Variants in CHIC1 observed in about 807,000 individuals in gnomAD.
The protein encoded by CHIC1 is cysteine rich hydrophobic domain 1, also known as cysteine-rich hydrophobic domain-containing protein 1.
In CHIC1, 7 loss-of-function variants were observed where a neutral mutation model predicts 18.5. The observed-to-expected ratio is 0.38, with a 90% CI of 0.22 to 0.71. CHIC1 has a LOEUF of 0.71. Ranked by LOEUF, CHIC1 falls within the 30% of genes least tolerant of loss-of-function variation. The probability of loss-of-function intolerance (pLI) is 0.49; values close to 1 mark genes in which losing one functional copy is unlikely to be tolerated. For synonymous variants in CHIC1, 77 were observed against 73.5 expected (o/e 1.05, Z -0.25); for missense variants, 159 against 176.9 (o/e 0.90, Z 0.57).
chrX:73,577,354 G>A (rs1235903169), intron 1 of CHIC1, 53 bp from the exon 2 acceptor site: 11 of 932,191 alleles, frequency 1.2e-5, no homozygotes, highest in Non-Finnish European at 1.5e-5. Context: ...AAAAAAAAGG[G>A]AAGATTTAAG....
intron 3 of CHIC1, among the ~76,000 whole-genome samples, chrX:73,640,361 T>C (rs1262991489): frequency 8.9e-6 from 1 of 112,149 alleles, no homozygotes; most frequent in Non-Finnish European, 1.9e-5. Context: ...GAACCAAGCT[T>C]GCATCCCAGG....
Position 73,685,924 on chromosome X carries a change from C to T in CHIC1, c.*4919C>T, listed in dbSNP as rs1406219976. Reference sequence around the variant, plus strand: ...GTGGATGTAAATCAGTGATTCCCAACTTCAGCAGATGATAGCAGTGGAGGG... The same window carrying T: ...GTGGATGTAAATCAGTGATTCCCAATTTCAGCAGATGATAGCAGTGGAGGG... On this transcript the variant is annotated 3_prime_UTR_variant, in exon 6 of 6. Coordinates refer to ENST00000373502, the MANE Select transcript of CHIC1 (RefSeq NM_001039840.4). The T allele has an allele frequency of 8.1e-5, 9 of 111,125 alleles. No individual in the cohort carries two copies. The highest frequency in any genetic ancestry group is 1.7e-4 in the Non-Finnish European group (9 of 52,852). 9.2% of individuals were successfully genotyped at this position (111,125 alleles called of 1,213,427 possible).
chrX:73,642,250 T>G (rs1461198131), intron 3 of CHIC1, among the ~76,000 whole-genome samples: 1 of 111,421 alleles, frequency 9.0e-6, no homozygotes, highest in Non-Finnish European at 1.9e-5. Flanking sequence ...GGTTTTGATT[T>G]GCATTTCTCT....
intron 3 of CHIC1, among the ~76,000 whole-genome samples, chrX:73,637,428 G>A (rs2057836498): frequency 9.1e-6 from 1 of 110,072 alleles, no homozygotes; most frequent in Non-Finnish European, 1.9e-5. Flanking sequence ...ATTTGGGAAG[G>A]TTTTAGCCAT....
rs113925521 is a variant in CHIC1, at chrX:73,681,104, A to G, written c.*99A>G. ...TGGTCTCCTTTGCTGTGTTCAACTT[A>G]TTCTTTATAATGGTAGAATATTCTT... On this transcript the variant is annotated 3_prime_UTR_variant, in exon 6 of 6. Transcript: ENST00000373502. 6 of 492,109 alleles carry G rather than the reference A, an allele frequency of 1.2e-5. No individual in the cohort carries two copies. The highest frequency in any genetic ancestry group is 5.0e-5 in the African/African-American group (2 of 39,847). The allele number at this position is 492,109 out of a possible 1,213,427, so 40.6% of individuals were successfully genotyped here. A position where few individuals can be genotyped will look rare whatever the true frequency, so the allele number is the denominator to read the frequency against.
rs2057427097 is a variant in CHIC1, at chrX:73,563,431, G to A, written c.147G>A (p.Glu49=). 1 of 1,152,116 alleles carries A rather than the reference G, an allele frequency of 8.7e-7. No individual in the cohort carries two copies. 94.9% of individuals were successfully genotyped at this position (1,152,116 alleles called of 1,213,427 possible). Residue 49 remains glutamate, a synonymous_variant, in exon 1 of 6, where the codon GAG becomes GAA. Coordinates refer to ENST00000373502, the MANE Select transcript of CHIC1 (RefSeq NM_001039840.4). Reference sequence around the variant, plus strand: ...CCGACGATGACGAGGAGGATGAGGAGGAAGAGGAGGAAGAGGAGGAGGAGG... The same window carrying A: ...CCGACGATGACGAGGAGGATGAGGAAGAAGAGGAGGAAGAGGAGGAGGAGG... The part of the protein sequence containing the change: ...SGPDDDEEDE[E]EEEEEEEEEE...
chrX:73,614,016 G>A (rs191008738), intron 3 of CHIC1, among the ~76,000 whole-genome samples: 19 of 111,876 alleles, frequency 1.7e-4, no homozygotes, highest in African/African-American at 5.8e-4. Flanking sequence ...TTGCTTCCAG[G>A]TGTAGGACTC....
chrX:73,623,472 A>C (rs1381714232), intron 3 of CHIC1, among the ~76,000 whole-genome samples: 3 of 109,990 alleles, frequency 2.7e-5, no homozygotes, highest in Non-Finnish European at 5.7e-5. Flanking sequence ...TTGTTGGTTT[A>C]AAGTCTGTTT....
At position 73,600,172 on chromosome X, in the gene CHIC1, T is replaced by C. The variant is rs1400614644; in HGVS notation, c.507+15600T>C. ...TGTATAAGAATGCTTGTGATTTTTG[T>C]ACATTGATTTTGTATCCTGAGACTT... On this transcript the variant is annotated intron_variant, in intron 3 of 5. Transcript: ENST00000373502. Among the ~76,000 whole-genome samples the C allele has an allele frequency of 3.7e-3, 357 of 97,051 alleles. 7 individuals are homozygous for C. The highest frequency in any genetic ancestry group is 0.015 in the African/African-American group (343 of 23,514). The allele number at this position is 97,051 out of a possible 115,157, so 84.3% of individuals were successfully genotyped here. A position where few individuals can be genotyped will look rare whatever the true frequency, so the allele number is the denominator to read the frequency against.
intron 3 of CHIC1, among the ~76,000 whole-genome samples, chrX:73,653,173 TAAG>T (rs1227285623): frequency 1.8e-5 from 2 of 108,173 alleles, no homozygotes; most frequent in Non-Finnish European, 3.8e-5. Flanking sequence ...AGTTGAACAA[TAAG>T]AACACATGGA....
intron 1 of CHIC1, among the ~76,000 whole-genome samples, chrX:73,572,595 C>T: frequency 9.0e-6 from 1 of 111,056 alleles, no homozygotes; most frequent in Non-Finnish European, 1.9e-5. Flanking sequence ...GTATAAGTGT[C>T]CTCTTTTCTC....
chrX:73,598,366 A>G (rs927547792), intron 3 of CHIC1, among the ~76,000 whole-genome samples: 1 of 106,921 alleles, frequency 9.4e-6, no homozygotes, highest in Non-Finnish European at 1.9e-5. Context: ...GTTTTAGGGT[A>G]CATGTGCACA....
At chrX:73,582,671 G>T in intron 2 of CHIC1, among the ~76,000 whole-genome samples, 1 of 110,251 alleles carries the variant, frequency 9.1e-6, no homozygotes. Context: ...CCTTCTCAGA[G>T]ACATGATTTA....
rs1569499025 is a variant in CHIC1, at chrX:73,563,461, A to G, written c.177A>G (p.Glu59=). Residue 59 remains glutamate, a synonymous_variant, in exon 1 of 6, where the codon GAA becomes GAG. Transcript: ENST00000373502. ...EEEEEEEEEE[E]EEEEEEEEEA... ...AGGAGGAAGAGGAGGAGGAGGAAGAAGAGGAGGAGGAGGAAGAGGAGGAGG... is the reference window on the plus strand; with the variant it reads ...AGGAGGAAGAGGAGGAGGAGGAAGAGGAGGAGGAGGAGGAAGAGGAGGAGG... 6 of 1,162,480 alleles carry G rather than the reference A, an allele frequency of 5.2e-6. No individual in the cohort carries two copies. The highest frequency in any genetic ancestry group is 2.0e-5 in the South Asian group (1 of 49,635).
chrX:73,629,227 T>C (rs968214389), intron 3 of CHIC1, among the ~76,000 whole-genome samples: 4 of 111,525 alleles, frequency 3.6e-5, no homozygotes, highest in Admixed American at 1.9e-4. Context: ...TCAGATATAT[T>C]GTTGGCATTT....
chrX:73,648,095 C>A (rs1220729353), intron 3 of CHIC1, among the ~76,000 whole-genome samples: 4 of 111,452 alleles, frequency 3.6e-5, no homozygotes, highest in Non-Finnish European at 7.5e-5. Context: ...CCCCAGCAAA[C>A]CACAGCAGCT....
chrX:73,673,176 T>A (rs1394074685), intron 3 of CHIC1, among the ~76,000 whole-genome samples: 1 of 112,027 alleles, frequency 8.9e-6, no homozygotes, highest in Non-Finnish European at 1.9e-5. Context: ...TGAAGTCAGG[T>A]AGCATGATGC....
At chrX:73,665,272 C>G (rs974099523) in intron 3 of CHIC1, among the ~76,000 whole-genome samples, 1 of 110,960 alleles carries the variant, frequency 9.0e-6, no homozygotes, top group South Asian at 3.9e-4. Context: ...CTTCCCTCCC[C>G]CTTTTAGGCT....
chrX:73,643,153 C>G (rs753859213), intron 3 of CHIC1, among the ~76,000 whole-genome samples: 1 of 111,786 alleles, frequency 8.9e-6, no homozygotes, highest in African/African-American at 3.3e-5. Flanking sequence ...ATATGAAATT[C>G]TGTTTTGAAA....
Sources: allele counts gnomAD v4.1 joint callset (sites outside exome capture counted in the v4.1 genomes callset), GRCh38; gene constraint gnomAD v4.1.1; transcripts MANE v1.5; gene names NCBI Gene and HGNC (gene_info 2026-07-23, HGNC 2026-07-21).